Variants in SUGCT observed in about 807,000 individuals in gnomAD.
SUGCT encodes succinyl-CoA:glutarate-CoA transferase, also known as succinyl-CoA:glutarate CoA-transferase.
Under a neutral mutation model 55.0 loss-of-function variants are expected in SUGCT, and 41 were observed. That is an observed-to-expected ratio of 0.74 (90% CI 0.58 to 0.97). The LOEUF is 0.97. Among genes scored for constraint, SUGCT ranks in the 50% least tolerant of loss-of-function variants. The pLI, the probability that SUGCT is intolerant of heterozygous loss-of-function variation, is 0.00. For missense variants in SUGCT, 568 were observed against 547.8 expected (o/e 1.04, Z -0.37); for synonymous variants, 187 against 200.4 (o/e 0.93, Z 0.56).
rs1437759160 is a variant in SUGCT, at chr7:40,773,152, G to A, written c.1153+23655G>A. ...TTAGTATCTTTCTTTTTTTGAGATG[G>A]AGTTTTGCTCTTGTCACCCAGGCTG... On this transcript the variant is annotated intron_variant, in intron 13 of 13. Transcript: ENST00000335693. Among the ~76,000 whole-genome samples the A allele has an allele frequency of 3.3e-5, 5 of 151,732 alleles. No individual in the cohort carries two copies. In the East Asian group the frequency reaches 9.7e-4, roughly 29 times the overall value.
In SUGCT at chr7:40,256,915, C is replaced by T. The variant is rs115217428; in HGVS notation, c.577-17598C>T. ...CCCACTACCACACCCAGCTAATTTT[C>T]GTATTTTTAACAGAGATGGGGTTTC... On this transcript the variant is annotated intron_variant, in intron 7 of 13. Transcript: ENST00000335693. 6.5e-3 allele frequency among the ~76,000 whole-genome samples: 979 copies of T among 151,678 alleles called. 9 individuals are homozygous for T. The highest frequency in any genetic ancestry group is 0.023 in the African/African-American group (939 of 41,288).
intron 13 of SUGCT, among the ~76,000 whole-genome samples, chr7:40,798,187 G>A (rs1277913009): frequency 6.6e-6 from 1 of 152,092 alleles, no homozygotes; most frequent in Admixed American, 6.5e-5. Context: ...TTGATATTAT[G>A]TCTTTTCCCT....
At chr7:40,897,488 C>A in the SUGCT span, among the ~76,000 whole-genome samples, 1 of 151,332 alleles carries the variant, frequency 6.6e-6, no homozygotes, top group Non-Finnish European at 1.5e-5. Context: ...GGTTTACCTT[C>A]CAGCACGTGA....
intron 13 of SUGCT, among the ~76,000 whole-genome samples, chr7:40,785,929 C>A (rs1789987901): frequency 6.6e-6 from 1 of 151,866 alleles, no homozygotes; most frequent in Admixed American, 6.6e-5. Flanking sequence ...CACCAAAAAA[C>A]AAAAAATTAA....
chr7:40,578,127 C>T (rs1211645383), intron 12 of SUGCT, among the ~76,000 whole-genome samples: 1 of 152,084 alleles, frequency 6.6e-6, no homozygotes, highest in Non-Finnish European at 1.5e-5. Context: ...ACACAGATTG[C>T]GGGGCCTCAC....
chr7:40,468,458 C>T (rs542294664), intron 11 of SUGCT, among the ~76,000 whole-genome samples: 296 of 152,208 alleles, frequency 1.9e-3, no homozygotes, highest in African/African-American at 6.4e-3. Flanking sequence ...CATCTTTCTG[C>T]CCCTACTCTG....
chr7:40,215,198 A>C (rs368726940), intron 6 of SUGCT, among the ~76,000 whole-genome samples: 48 of 152,070 alleles, frequency 3.2e-4, no homozygotes, highest in African/African-American at 1.0e-3. Flanking sequence ...GATGGAGTGC[A>C]GTGGAGCGAT....
In SUGCT at chr7:40,300,658, G is replaced by A. The variant is rs1432053839; in HGVS notation, c.721-16102G>A. Among the ~76,000 whole-genome samples the A allele has an allele frequency of 2.0e-5, 3 of 152,204 alleles. No individual in the cohort carries two copies. The East Asian group carries it at 5.8e-4, about 29-fold the overall frequency. ...ATGTCATCAAAGGCTGATTGTGTTA[G>A]TGTACCTTTGAGGTCTCTTCGGGGT... is the stretch of plus-strand genomic sequence containing the variant. On this transcript the variant is annotated intron_variant, in intron 8 of 13. Coordinates refer to ENST00000335693, the MANE Select transcript of SUGCT (RefSeq NM_001193313.2).
chr7:40,909,344 T>C, the SUGCT span, among the ~76,000 whole-genome samples: 1 of 152,156 alleles, frequency 6.6e-6, no homozygotes, highest in African/African-American at 2.4e-5. Context: ...GTCCAAACAG[T>C]GCGTGCCTCC....
chr7:41,027,497 C>T, the SUGCT span, among the ~76,000 whole-genome samples: 15 of 152,254 alleles, frequency 9.9e-5, no homozygotes, highest in African/African-American at 3.6e-4. Context: ...TCAAAAGACT[C>T]CTCAATTCCT....
In SUGCT at chr7:40,499,838, A is replaced by G. The variant is rs1179676369; in HGVS notation, c.1089+3452A>G. Among the ~76,000 whole-genome samples the G allele has an allele frequency of 3.9e-5, 6 of 152,192 alleles. No homozygotes were observed. The East Asian group carries it at 1.2e-3, about 29-fold the overall frequency. On this transcript the variant is annotated intron_variant, in intron 12 of 13. Transcript: ENST00000335693. ...CAAGATTGTGCAGTACATTAAAGGA[A>G]TTCTTAAAAAGTTTCAAAAACTTAC...
intron 12 of SUGCT, among the ~76,000 whole-genome samples, chr7:40,748,989 C>T (rs1787874513): frequency 6.6e-6 from 1 of 152,224 alleles, no homozygotes; most frequent in Admixed American, 6.5e-5. Context: ...CTCCCCATAC[C>T]TTCTGCTGAA....
At chr7:40,824,714 G>C (rs1792226417) in intron 13 of SUGCT, among the ~76,000 whole-genome samples, 1 of 152,168 alleles carries the variant, frequency 6.6e-6, no homozygotes, top group Non-Finnish European at 1.5e-5. Flanking sequence ...CCAGATCAAG[G>C]TGCCAGTATC....
intron 13 of SUGCT, among the ~76,000 whole-genome samples, chr7:40,798,536 G>A (rs1362606509): frequency 6.6e-6 from 1 of 152,196 alleles, no homozygotes; most frequent in African/African-American, 2.4e-5. Context: ...GTCAAAATAA[G>A]TGAATTTTAA....
At chr7:40,174,192 T>G (rs1168337310) in intron 1 of SUGCT, among the ~76,000 whole-genome samples, 1 of 152,020 alleles carries the variant, frequency 6.6e-6, no homozygotes, top group Admixed American at 6.6e-5. Context: ...CTGGCTAATT[T>G]TTGTATTTTT....
intron 12 of SUGCT, chr7:40,684,242 A>G: frequency 7.2e-7 from 1 of 1,396,678 alleles, no homozygotes; most frequent in East Asian, 2.5e-5. Context: ...ATCCATACTT[A>G]TTCATTTACA....
chr7:41,017,816 G>A, the SUGCT span, among the ~76,000 whole-genome samples: 1 of 151,654 alleles, frequency 6.6e-6, no homozygotes, highest in Non-Finnish European at 1.5e-5. Flanking sequence ...ACAGTGAGAG[G>A]CCTGTAAGAA....
At chr7:40,873,738 GT>G in the SUGCT span, among the ~76,000 whole-genome samples, 1 of 152,184 alleles carries the variant, frequency 6.6e-6, no homozygotes, top group Admixed American at 6.5e-5. Flanking sequence ...TTTTGTGTTT[GT>G]TAAGCTTTGG....
chr7:40,987,079 G>A, the SUGCT span, among the ~76,000 whole-genome samples: 9 of 152,284 alleles, frequency 5.9e-5, no homozygotes, highest in African/African-American at 2.2e-4. Flanking sequence ...GATGGTGTCT[G>A]GGGGAGGTAG....
Sources: gnomAD v4.1 joint callset for allele counts (sites outside exome capture counted in the v4.1 genomes callset) on GRCh38, gnomAD v4.1.1 for gene constraint, MANE v1.5 for transcripts, NCBI Gene and HGNC (gene_info 2026-07-23, HGNC 2026-07-21) for gene names.